ANO6: variants seen among roughly 807,000 people sequenced by gnomAD.
ANO6 encodes anoctamin 6.
Under a neutral mutation model 117.5 loss-of-function variants are expected in ANO6, and 106 were observed. That is an observed-to-expected ratio of 0.90 (90% CI 0.77 to 1.06). ANO6 has a LOEUF of 1.06. Among genes scored for constraint, ANO6 ranks in the 50% least tolerant of loss-of-function variants. The pLI is 0.00. For synonymous variants in ANO6, 367 were observed against 385.1 expected (o/e 0.95, Z 0.55); for missense variants, 955 against 1,121.1 (o/e 0.85, Z 2.12).
intron 2 of ANO6, among the ~76,000 whole-genome samples, chr12:45,303,295 A>G (rs936146415): frequency 6.6e-6 from 1 of 152,252 alleles, no homozygotes; most frequent in Non-Finnish European, 1.5e-5. Context: ...ATATTCCTGC[A>G]TCTTAAAGTA....
chr12:45,350,592 C>T (rs1941252914), intron 6 of ANO6, 67 bp from the exon 7 acceptor site: 2 of 1,246,842 alleles, frequency 1.6e-6, no homozygotes, highest in Admixed American at 1.8e-5. Flanking sequence ...ATTTGTATCA[C>T]ATTTAAGAAG....
chr12:45,370,514 G>A (rs1941797242), intron 9 of ANO6, among the ~76,000 whole-genome samples: 1 of 152,192 alleles, frequency 6.6e-6, no homozygotes, highest in Non-Finnish European at 1.5e-5. Context: ...GAGTAGGTGG[G>A]CAGAAGTGTC....
In ANO6 at chr12:45,401,856, T is replaced by G; in HGVS notation, c.1448T>G (p.Val483Gly). The change falls in exon 13 of 20, where the codon GTA becomes GGA. Residue 483 changes from valine to glycine, a missense_variant. Transcript: ENST00000320560. ...IIVYRLSVFI[V>G]FSAKLPKNIN... is the part of the protein sequence containing the mutation. The stretch of plus-strand genomic sequence containing the variant: ...GTCTATAGGCTCTCGGTGTTCATTG[T>G]ATTTTCTGCAAAACTTCCCAAGAAC... 6.2e-7 allele frequency: 1 copy of G among 1,614,128 alleles called. No individual in the cohort carries two copies.
At chr12:45,339,337 C>G (rs1940914666) in intron 3 of ANO6, among the ~76,000 whole-genome samples, 1 of 152,060 alleles carries the variant, frequency 6.6e-6, no homozygotes, top group Non-Finnish European at 1.5e-5. Context: ...AAAGTTGTTC[C>G]TTTAAGCAGA....
At chr12:45,254,360 A>G (rs1292584921) in intron 1 of ANO6, among the ~76,000 whole-genome samples, 1 of 152,110 alleles carries the variant, frequency 6.6e-6, no homozygotes, top group Non-Finnish European at 1.5e-5. Context: ...GGAGAGGAGG[A>G]TGGGGATGTT....
chr12:45,263,389 T>C (rs1048704931), intron 1 of ANO6, among the ~76,000 whole-genome samples: 4 of 148,832 alleles, frequency 2.7e-5, no homozygotes, highest in African/African-American at 9.9e-5. Flanking sequence ...TTTTTTTTTT[T>C]CCTGGAGAGA....
At chr12:45,223,380 A>C in intron 1 of ANO6, among the ~76,000 whole-genome samples, 1 of 152,142 alleles carries the variant, frequency 6.6e-6, no homozygotes, top group Non-Finnish European at 1.5e-5. Flanking sequence ...TGCAGAATTG[A>C]TTGCTTGCTT....
chr12:45,363,619 A>G (rs1941612320), intron 8 of ANO6, among the ~76,000 whole-genome samples: 1 of 151,924 alleles, frequency 6.6e-6, no homozygotes, highest in South Asian at 2.1e-4. Flanking sequence ...AGGGCAGCTG[A>G]TATGATTTGG....
In ANO6 at chr12:45,216,198, G is replaced by C. The variant is rs1186714098; in HGVS notation, c.-124G>C. 1 of 1,133,508 alleles carries C rather than the reference G, an allele frequency of 8.8e-7. No individual in the cohort carries two copies. Among genetic ancestry groups the C allele is most frequent in the Non-Finnish European group, 1.3e-6 (1 of 777,208 alleles). 70.2% of individuals were successfully genotyped at this position (1,133,508 alleles called of 1,614,324 possible). ...TCCCCGGCGCTGGCTGGGCTCAGCGGCCCCTGAGCCCAAGCGACACACGCC... is the reference window on the plus strand; with the variant it reads ...TCCCCGGCGCTGGCTGGGCTCAGCGCCCCCTGAGCCCAAGCGACACACGCC... On this transcript the variant is annotated 5_prime_UTR_variant, in exon 1 of 20. Transcript: ENST00000320560.
chr12:45,252,918 A>G (rs12582369), intron 1 of ANO6, among the ~76,000 whole-genome samples: 2,861 of 152,260 alleles, frequency 0.019, 54 homozygotes, highest in East Asian at 0.068. Flanking sequence ...ATTTGTGGAA[A>G]CCTTCACACA....
chr12:45,263,185 C>T (rs1370633649), intron 1 of ANO6, among the ~76,000 whole-genome samples: 2 of 151,890 alleles, frequency 1.3e-5, no homozygotes, highest in Non-Finnish European at 2.9e-5. Context: ...CTGGGGCACG[C>T]ATTCTAACAG....
rs570890690 is a variant in ANO6 at position 45,232,209 on chromosome 12, T to A, written c.70+15818T>A. On this transcript the variant is annotated intron_variant, in intron 1 of 19. Transcript: ENST00000320560. ...ATAGAGCTTATATTCTAATAAGTGA[T>A]AAAATAAAAACTAAAAATGTACACA... 3.3e-5 allele frequency among the ~76,000 whole-genome samples: 5 copies of A among 152,276 alleles called. 1 individual carries two copies. In the South Asian group the frequency reaches 1.0e-3, roughly 32 times the overall value.
intron 1 of ANO6, among the ~76,000 whole-genome samples, chr12:45,274,569 A>G (rs1381109635): frequency 2.0e-5 from 3 of 151,846 alleles, no homozygotes; most frequent in African/African-American, 7.3e-5. Flanking sequence ...CCATTCATGC[A>G]CCTCTTGGTC....
At chr12:45,313,080 A>G (rs1418594843) in intron 2 of ANO6, 2 of 152,126 alleles carry the variant, frequency 1.3e-5, no homozygotes. Context: ...GTGTTTTTAA[A>G]AAGCAAATAT....
chr12:45,392,961 G>T (rs539543353), intron 12 of ANO6, among the ~76,000 whole-genome samples: 1 of 152,290 alleles, frequency 6.6e-6, no homozygotes, highest in African/African-American at 2.4e-5. Flanking sequence ...ACAGCTCCTC[G>T]CCAGCAACGG....
At chr12:45,309,212 T>A (rs1244941976) in intron 2 of ANO6, among the ~76,000 whole-genome samples, 2 of 152,094 alleles carry the variant, frequency 1.3e-5, no homozygotes, top group Non-Finnish European at 2.9e-5. Flanking sequence ...GCATTGGTCA[T>A]GTCATGTCTC....
intron 3 of ANO6, among the ~76,000 whole-genome samples, chr12:45,342,460 C>G (rs939412988): frequency 2.6e-5 from 4 of 152,226 alleles, no homozygotes; most frequent in Admixed American, 6.5e-5. Context: ...CCAGGAATCA[C>G]TTCATGCTGT....
chr12:45,270,506 C>A, intron 1 of ANO6: 1 of 1,292,106 alleles, frequency 7.7e-7, no homozygotes. Flanking sequence ...TCCTCATACT[C>A]ACCTCCCATC....
chr12:45,421,460 G>A (rs1053415666), intron 18 of ANO6, among the ~76,000 whole-genome samples, 187 bp downstream of exon 18: 3 of 152,152 alleles, frequency 2.0e-5, no homozygotes, highest in Non-Finnish European at 4.4e-5. Context: ...TCTCTTGAGT[G>A]AAACTCAGAA....
Sources: gnomAD v4.1 joint callset for allele counts (sites outside exome capture counted in the v4.1 genomes callset) on GRCh38, gnomAD v4.1.1 for gene constraint, MANE v1.5 for transcripts, NCBI Gene and HGNC (gene_info 2026-07-23, HGNC 2026-07-21) for gene names.